Variants in MINDY1 observed in about 807,000 individuals in gnomAD.
The protein encoded by MINDY1 is MINDY lysine 48 deubiquitinase 1, also known as ubiquitin carboxyl-terminal hydrolase MINDY-1.
A neutral mutation model predicts 53.6 loss-of-function variants in MINDY1; 50 were observed. The observed-to-expected ratio is 0.93, with a 90% confidence interval of 0.74 to 1.18. MINDY1 has a LOEUF of 1.18. Among genes scored for constraint, MINDY1 ranks in the 50% most tolerant of loss-of-function variants. The pLI is 0.00. For synonymous variants in MINDY1, 231 were observed against 234.7 expected, an observed-to-expected ratio of 0.98 and a Z score of 0.14; for missense variants, 484 against 578.6, an observed-to-expected ratio of 0.84 and a Z score of 1.68.
Position 151,002,902 on chromosome 1 carries a change from G to T in MINDY1, c.-89-196C>A. The T allele has an allele frequency of 1.4e-6, 2 of 1,380,500 alleles. No homozygotes were observed. Among genetic ancestry groups the T allele is most frequent in the Non-Finnish European group, 1.9e-6 (2 of 1,069,000 alleles). The allele number at this position is 1,380,500 out of a possible 1,614,324, so 85.5% of individuals were successfully genotyped here. A position where few individuals can be genotyped will look rare whatever the true frequency, so the allele number is the denominator to read the frequency against. On this transcript the variant is annotated intron_variant, in intron 1 of 9. Coordinates refer to ENST00000683666, the MANE Select transcript of MINDY1 (RefSeq NM_001376665.1). The surrounding 1 kb of genome is among the most constrained non-coding windows in gnomAD (Gnocchi z 4.1). ...TGCTGTGACCAGATGAGACCAAGAG[G>T]TCGTGGGGCTTCCAGACTTGGGAGG...
intron 1 of MINDY1, among the ~76,000 whole-genome samples, chr1:151,004,819 C>T (rs1672988508): frequency 6.6e-6 from 1 of 152,002 alleles, no homozygotes; most frequent in Admixed American, 6.6e-5. Context: ...TGTCTTTTCT[C>T]CACCCTCCTC....
intron 1 of MINDY1, among the ~76,000 whole-genome samples, chr1:151,004,969 CAT>C (rs1256624521): frequency 6.6e-6 from 1 of 152,126 alleles, no homozygotes; most frequent in Non-Finnish European, 1.5e-5. Flanking sequence ...TCTTGATTCA[CAT>C]ATGTTTATGC....
At chr1:151,001,092 A>G (rs1672515064) in intron 4 of MINDY1, among the ~76,000 whole-genome samples, 158 bp downstream of exon 4, 1 of 152,200 alleles carries the variant, frequency 6.6e-6, no homozygotes, top group African/African-American at 2.4e-5. Context: ...GCCAATGAAC[A>G]TATTTTCTAG....
chr1:151,002,692 A>G lies in MINDY1; in HGVS notation c.-75T>C, dbSNP rs896548238. The G allele has an allele frequency of 6.2e-7, 1 of 1,607,846 alleles. No homozygotes were observed. Among genetic ancestry groups the G allele is most frequent in the Non-Finnish European group, 8.5e-7 (1 of 1,176,722 alleles). ...GGGACTTGCCTAAGCCAGGCTTGGG[A>G]TGCAAAAGAGTGACCTGTCCAATAA... On this transcript the variant is annotated 5_prime_UTR_variant, in exon 2 of 10. Coordinates refer to ENST00000683666, the MANE Select transcript of MINDY1 (RefSeq NM_001376665.1). This position sits in a 1 kb window ranked among gnomAD's most constrained non-coding sequence, Gnocchi z 4.1.
intron 1 of MINDY1, among the ~76,000 whole-genome samples, chr1:151,004,048 G>A (rs1237007759): frequency 1.3e-5 from 2 of 151,944 alleles, no homozygotes; most frequent in Admixed American, 6.6e-5. Context: ...TCAGCCTCCC[G>A]AGTAGCTGGG....
At chr1:151,005,218 G>A (rs1437261782) in intron 1 of MINDY1, among the ~76,000 whole-genome samples, 2 of 152,076 alleles carry the variant, frequency 1.3e-5, no homozygotes, top group East Asian at 1.9e-4. Context: ...TTGAGAGGCC[G>A]AGGCGGGCGG....
chr1:151,000,028 G>GGAAAT, intron 5 of MINDY1, 64 bp from the exon 6 acceptor site: 1 of 1,230,208 alleles, frequency 8.1e-7, no homozygotes, highest in Admixed American at 1.8e-5. Flanking sequence ...TTTTAAGGAA[G>GGAAAT]GAAATGAACA....
At chr1:151,005,175 G>A (rs192408439) in intron 1 of MINDY1, among the ~76,000 whole-genome samples, 25 of 151,650 alleles carry the variant, frequency 1.6e-4, no homozygotes, top group African/African-American at 3.4e-4. Context: ...GGCCTTGGCC[G>A]GGCACAGTGC....
At chr1:150,997,555 A>T (rs774237923) in intron 9 of MINDY1, 69 bp downstream of exon 9, 1 of 1,601,116 alleles carries the variant, frequency 6.2e-7, no homozygotes, top group African/African-American at 1.3e-5. Context: ...TGCAGGAATA[A>T]CAGGTGTTCT....
At chr1:151,005,082 C>T (rs587602386) in intron 1 of MINDY1, among the ~76,000 whole-genome samples, 5 of 152,192 alleles carry the variant, frequency 3.3e-5, no homozygotes, top group African/African-American at 1.2e-4. Context: ...TCTCTCCTTT[C>T]CTTCTCCCCT....
At chr1:151,001,806 G>C (rs1428579866) in intron 2 of MINDY1, 24 bp from the exon 3 acceptor site, 2 of 1,575,922 alleles carry the variant, frequency 1.3e-6, no homozygotes, top group South Asian at 2.4e-5. Context: ...GGGTGATCAC[G>C]TGTGTGCTTT....
upstream of MINDY1, among the ~76,000 whole-genome samples, chr1:151,007,209 G>A (rs1449247323): frequency 6.6e-6 from 1 of 152,194 alleles, no homozygotes; most frequent in African/African-American, 2.4e-5. Context: ...CAGAGGGTGT[G>A]GTAGAAGCCC....
rs1314345948 is a variant in MINDY1 at position 151,006,465 on chromosome 1, C to T, written c.-243G>A. 7.1e-6 allele frequency: 8 copies of T among 1,131,028 alleles called. 1 individual carries two copies. The South Asian group carries it at 7.5e-5, about 11-fold the overall frequency. 70.1% of individuals were successfully genotyped at this position (1,131,028 alleles called of 1,614,324 possible). On this transcript the variant is annotated 5_prime_UTR_variant, in exon 1 of 10. Coordinates refer to ENST00000683666, the MANE Select transcript of MINDY1 (RefSeq NM_001376665.1). Reference sequence around the variant, plus strand: ...ATACAGGTTTACACAGCTTTATAAGCGACGGTCCAGGCTGGGTTGTGGCCA... The same window carrying T: ...ATACAGGTTTACACAGCTTTATAAGTGACGGTCCAGGCTGGGTTGTGGCCA...
At chr1:150,997,585 G>A (rs748614766) in intron 9 of MINDY1, 39 bp downstream of exon 9, 11 of 1,603,220 alleles carry the variant, frequency 6.9e-6, no homozygotes, top group Non-Finnish European at 9.3e-6. Context: ...AAAGCATGAG[G>A]TGGAAACCGG....
chr1:150,997,979 G>T, intron 8 of MINDY1, 103 bp downstream of exon 8: 1 of 1,300,000 alleles, frequency 7.7e-7, no homozygotes, highest in Non-Finnish European at 1.1e-6. Context: ...AACCCAGAGA[G>T]AGAGGCATGG....
rs1421071504 is a variant in MINDY1 at position 151,002,327 on chromosome 1, G to T, written c.291C>A (p.Pro97=). ...TCCTGGGGGACTGAGGAAGCTCCTG[G>T]GGCATGGAGCATGCCCTTATTGTCT... ...EVETIRACSM[P]QELPQSPRTR... is the part of the protein sequence containing the mutation. The change falls in exon 2 of 10, where the codon CCC becomes CCA. Residue 97 remains proline, a synonymous_variant. Transcript: ENST00000683666. The surrounding 1 kb of genome is among the most constrained non-coding windows in gnomAD (Gnocchi z 4.1). 6.2e-7 allele frequency: 1 copy of T among 1,614,156 alleles called. No individual in the cohort carries two copies. Among genetic ancestry groups the T allele is most frequent in the South Asian group, 1.1e-5 (1 of 91,086 alleles).
intron 4 of MINDY1, 77 bp downstream of exon 4, chr1:151,001,173 C>A: frequency 1.4e-6 from 2 of 1,454,272 alleles, no homozygotes; most frequent in South Asian, 1.2e-5. Context: ...GAAGAAGCAA[C>A]AAAAGCTTAT....
At chr1:151,006,928 C>T, upstream of MINDY1, 1 of 981,838 alleles carries the variant, frequency 1.0e-6, no homozygotes, top group Non-Finnish European at 1.2e-6. Context: ...GAGCAAGTGC[C>T]CTTGCTAAGT....
chr1:150,998,330 T>G, intron 7 of MINDY1, 57 bp from the exon 8 acceptor site: 1 of 1,504,666 alleles, frequency 6.6e-7, no homozygotes, highest in South Asian at 1.2e-5. Context: ...GGCAGTTCAC[T>G]GCCAGAAATC....
Sources: allele counts gnomAD v4.1 joint callset (sites outside exome capture counted in the v4.1 genomes callset), GRCh38; gene constraint gnomAD v4.1.1; non-coding constraint Gnocchi (gnomAD v3.1); transcripts MANE v1.5; gene names NCBI Gene and HGNC (gene_info 2026-07-23, HGNC 2026-07-21).